VPS53: variants seen among roughly 807,000 people sequenced by gnomAD.
VPS53 encodes VPS53 subunit of GARP complex, also known as vacuolar protein sorting-associated protein 53 homolog.
A neutral mutation model predicts 107.0 loss-of-function variants in VPS53; 70 were observed. That is an observed-to-expected ratio of 0.65 (90% CI 0.54 to 0.80). VPS53 has a LOEUF of 0.80. Among genes scored for constraint, VPS53 ranks in the 30% least tolerant of loss-of-function variants. VPS53 has a pLI of 0.00. For synonymous variants in VPS53, 409 were observed against 393.3 expected, an observed-to-expected ratio of 1.04 and a Z score of -0.47; for missense variants, 917 against 1,049.4, an observed-to-expected ratio of 0.87 and a Z score of 1.74.
intron 15 of VPS53, among the ~76,000 whole-genome samples, chr17:556,785 G>T (rs1045211570): frequency 1.4e-5 from 2 of 143,806 alleles, no homozygotes; most frequent in African/African-American, 5.2e-5. Flanking sequence ...TAATGGGGGC[G>T]CCAGATAATA....
Position 601,876 on chromosome 17 carries a change from G to T in VPS53, c.1137C>A (p.Pro379=), listed in dbSNP as rs756547820. Residue 379 remains proline, a synonymous_variant, in exon 12 of 22, where the codon CCC becomes CCA. Transcript: ENST00000437048. ...CTTCCAGGAAGGGATTGGTAGATGG[G>T]GGTGGAGACTCAAGCTTTTTCTGTT... is the stretch of plus-strand genomic sequence containing the variant. ...DGTLKKLESP[P]PSTNPFLEDE... 3.1e-6 allele frequency: 5 copies of T among 1,589,922 alleles called. No homozygotes were observed. The highest frequency in any genetic ancestry group is 1.8e-5 in the Admixed American group (1 of 56,798).
At chr17:581,936 T>A (rs889029830) in intron 13 of VPS53, among the ~76,000 whole-genome samples, 5 of 148,224 alleles carry the variant, frequency 3.4e-5, no homozygotes, top group Admixed American at 1.3e-4. Context: ...AGGACCTCAA[T>A]GTGTTCCCAG....
chr17:713,613 C>G (rs747561610), intron 1 of VPS53, among the ~76,000 whole-genome samples: 1 of 151,292 alleles, frequency 6.6e-6, no homozygotes, highest in Non-Finnish European at 1.5e-5. Context: ...GATGGCACCC[C>G]TACACTCCAA....
intron 5 of VPS53, among the ~76,000 whole-genome samples, chr17:659,799 T>A (rs1020877170): frequency 2.0e-5 from 3 of 152,160 alleles, no homozygotes; most frequent in Non-Finnish European, 4.4e-5. Flanking sequence ...ACTCTATCCC[T>A]TCTCTCTACT....
rs146293052 is a variant in VPS53, at chr17:692,708, T to A, written c.285+4710A>T. On this transcript the variant is annotated intron_variant, in intron 4 of 21. Coordinates refer to ENST00000437048, the MANE Select transcript of VPS53 (RefSeq NM_001128159.3). The stretch of plus-strand genomic sequence containing the variant: ...AACACTTTCCCCTTATTTACAGATA[T>A]AGAAGCACACCTAGCCGGGTGCGGT... Among the ~76,000 whole-genome samples, 737 of 152,308 alleles carry A rather than the reference T, an allele frequency of 4.8e-3. 6 individuals carry two copies. The highest frequency in any genetic ancestry group is 0.017 in the African/African-American group (703 of 41,572).
At chr17:696,608 C>T (rs888882092) in intron 4 of VPS53, among the ~76,000 whole-genome samples, 3 of 152,080 alleles carry the variant, frequency 2.0e-5, no homozygotes, top group Admixed American at 1.3e-4. Context: ...AACAGAAGAA[C>T]AGAATCAAAT....
intron 19 of VPS53, among the ~76,000 whole-genome samples, chr17:528,714 T>C (rs1335966011): frequency 2.0e-5 from 3 of 151,344 alleles, no homozygotes; most frequent in African/African-American, 7.3e-5. Context: ...TTCTCCTGCC[T>C]CAGCTTCCCG....
At chr17:662,541 T>C (rs1359793903) in intron 4 of VPS53, among the ~76,000 whole-genome samples, 2 of 151,714 alleles carry the variant, frequency 1.3e-5, no homozygotes, top group Non-Finnish European at 2.9e-5. Flanking sequence ...TACAAAAAAC[T>C]AGCCAGGCAC....
chr17:548,711 G>A (rs1329413045), intron 17 of VPS53, among the ~76,000 whole-genome samples: 5 of 152,360 alleles, frequency 3.3e-5, no homozygotes, highest in South Asian at 2.1e-4. Flanking sequence ...GGACAGTCTC[G>A]TTTCCAATCT....
intron 11 of VPS53, among the ~76,000 whole-genome samples, chr17:605,165 C>A (rs1018370886): frequency 2.0e-5 from 3 of 152,138 alleles, no homozygotes; most frequent in Non-Finnish European, 4.4e-5. Flanking sequence ...CAATGATGTA[C>A]TGGGCATCCA....
chr17:657,075 C>T (rs764131128), intron 5 of VPS53: 19 of 956,350 alleles, frequency 2.0e-5, no homozygotes, highest in Non-Finnish European at 2.9e-5. Context: ...GTGATGAAAT[C>T]GGTCATCTTG....
chr17:543,847 G>GGGA (rs1910915903), intron 17 of VPS53, among the ~76,000 whole-genome samples: 2 of 71,390 alleles, frequency 2.8e-5, no homozygotes, highest in South Asian at 6.5e-4. Flanking sequence ...GAGGGAGGGA[G>GGGA]GGAAGGAGGG....
chr17:600,169 G>A (rs1040324296), intron 12 of VPS53: 3 of 152,230 alleles, frequency 2.0e-5, no homozygotes, highest in Admixed American at 1.3e-4. Context: ...TGTAGGTAAT[G>A]GGGCCTATCT....
chr17:683,245 A>AT (rs927239009), intron 4 of VPS53, among the ~76,000 whole-genome samples: 12 of 151,710 alleles, frequency 7.9e-5, no homozygotes, highest in Non-Finnish European at 1.6e-4. Context: ...ATGGCTGAGA[A>AT]TTTTTTTTTA....
chr17:519,381 G>A lies in VPS53; in HGVS notation c.2329-83C>T, dbSNP rs531909723. 1.5e-6 allele frequency: 2 copies of A among 1,336,362 alleles called. No individual in the cohort carries two copies. The highest frequency in any genetic ancestry group is 2.0e-6 in the Non-Finnish European group (2 of 1,014,068). 82.8% of individuals were successfully genotyped at this position (1,336,362 alleles called of 1,614,324 possible). ...GGACAGCGCAGTATCTGGATATGGG[G>A]TCAGCAGAGGCTCTGGAGACAGCAT... On this transcript the variant is annotated intron_variant, in intron 21 of 21. Transcript: ENST00000437048. This position sits in a 1 kb window ranked among gnomAD's most constrained non-coding sequence, Gnocchi z 5.0.
chr17:546,945 G>A (rs1399789264), intron 17 of VPS53, among the ~76,000 whole-genome samples: 1 of 142,174 alleles, frequency 7.0e-6, no homozygotes, highest in East Asian at 2.1e-4. Context: ...TGCAATCTTG[G>A]CTCACTGCAA....
chr17:598,620 C>G (rs1470663827), intron 12 of VPS53, among the ~76,000 whole-genome samples: 4 of 149,680 alleles, frequency 2.7e-5, no homozygotes, highest in Admixed American at 6.7e-5. Context: ...GCCGCCCCGT[C>G]TGGGATGTGA....
In VPS53 at chr17:524,992, G is replaced by T. The variant is rs534147562; in HGVS notation, c.2086-3254C>A. ...CCATGTAAAAACGTTCCCTGCATCCGCTATTTATAAAAGCAAAAGTTTGGA... is the reference window on the plus strand; with the variant it reads ...CCATGTAAAAACGTTCCCTGCATCCTCTATTTATAAAAGCAAAAGTTTGGA... On this transcript the variant is annotated intron_variant, in intron 19 of 21. Transcript: ENST00000437048. This position sits in a 1 kb window ranked among gnomAD's most constrained non-coding sequence, Gnocchi z 4.5. Among the ~76,000 whole-genome samples the T allele has an allele frequency of 1.4e-4, 21 of 152,268 alleles. No individual in the cohort carries two copies. Among genetic ancestry groups the T allele is most frequent in the Non-Finnish European group, 2.1e-4 (14 of 68,012 alleles).
intron 17 of VPS53, chr17:551,648 T>A: frequency 3.3e-6 from 1 of 300,544 alleles, no homozygotes. Context: ...TTTTTTGCCA[T>A]CCTCCAATAC....
Sources: allele counts gnomAD v4.1 joint callset (sites outside exome capture counted in the v4.1 genomes callset), GRCh38; gene constraint gnomAD v4.1.1; non-coding constraint Gnocchi (gnomAD v3.1); transcripts MANE v1.5; gene names NCBI Gene and HGNC (gene_info 2026-07-23, HGNC 2026-07-21).